The following EDRF1 variants were observed in gnomAD, a reference collection of about 807,000 sequenced individuals.
The protein encoded by EDRF1 is erythroid differentiation regulatory factor 1.
Under a neutral mutation model 148.7 loss-of-function variants are expected in EDRF1, and 69 were observed. The ratio of observed to expected loss-of-function variants is 0.46; its 90% CI spans 0.38 to 0.57. EDRF1 has a LOEUF of 0.57. EDRF1 is among the 20% of genes least tolerant of loss of function. EDRF1 has a pLI of 0.00. For missense variants in EDRF1, 1,118 were observed against 1,478.7 expected, an observed-to-expected ratio of 0.76 and a Z score of 4.00; for synonymous variants, 515 against 532.8, an observed-to-expected ratio of 0.97 and a Z score of 0.46.
intron 6 of EDRF1, among the ~76,000 whole-genome samples, chr10:125,726,423 C>T (rs1212932192): frequency 6.6e-6 from 1 of 152,284 alleles, no homozygotes; most frequent in South Asian, 2.1e-4. Context: ...CATTTTATCT[C>T]TTACATCCTT....
Position 125,763,733 on chromosome 10 carries a change from C to CA in EDRF1, c.*262dup. 1.9e-6 allele frequency: 1 copy of CA among 515,730 alleles called. No individual in the cohort carries two copies. The highest frequency in any genetic ancestry group is 3.5e-5 in the East Asian group (1 of 28,438). The allele number at this position is 515,730 out of a possible 1,614,324, so 31.9% of individuals were successfully genotyped here. A position where few individuals can be genotyped will look rare whatever the true frequency, so the allele number is the denominator to read the frequency against. On this transcript the variant is annotated 3_prime_UTR_variant, in exon 25 of 25. Coordinates refer to ENST00000356792, the MANE Select transcript of EDRF1 (RefSeq NM_001202438.2). The surrounding 1 kb of genome is among the most constrained non-coding windows in gnomAD (Gnocchi z 4.3). ...GAAGTATGTAGTACCTCGGTATTAA[C>CA]AGACCTGCTGTGATGCAGTTACACT...
chr10:125,738,941 C>G (rs760909091), intron 15 of EDRF1, among the ~76,000 whole-genome samples: 3 of 152,158 alleles, frequency 2.0e-5, no homozygotes, highest in African/African-American at 7.2e-5. Context: ...GCTGTTGTTA[C>G]TGCACAGTAC....
chr10:125,745,249 G>C (rs1214691181), intron 18 of EDRF1: 2 of 192,222 alleles, frequency 1.0e-5, no homozygotes, highest in African/African-American at 4.7e-5. Context: ...TAGATCTGGA[G>C]ACTGGAAGTT....
In EDRF1 at chr10:125,730,278, A is replaced by G. The variant is rs1589827898; in HGVS notation, c.1017-10A>G. On this transcript the variant is annotated splice_polypyrimidine_tract_variant and intron_variant, in intron 8 of 24. Transcript: ENST00000356792. ...TTAAACCAAATAACACTAGAAATGT[A>G]TATTTTTAGGGATAACAACAAACCA... is the stretch of plus-strand genomic sequence containing the variant. 11 of 1,591,530 alleles carry G rather than the reference A, an allele frequency of 6.9e-6. No homozygotes were observed. Among genetic ancestry groups the G allele is most frequent in the African/African-American group, 1.3e-5 (1 of 74,444 alleles).
At chr10:125,744,725 G>A (rs964581525) in intron 18 of EDRF1, 2 of 152,218 alleles carry the variant, frequency 1.3e-5, no homozygotes, top group Non-Finnish European at 2.9e-5. Flanking sequence ...ACTTTGCTCA[G>A]ATGTTTTTCT....
intron 24 of EDRF1, among the ~76,000 whole-genome samples, chr10:125,760,548 T>C (rs1442154029): frequency 1.3e-5 from 2 of 150,978 alleles, no homozygotes; most frequent in African/African-American, 5.0e-5. Flanking sequence ...AATAAACACT[T>C]TGACAAGTTT....
intron 23 of EDRF1, 131 bp from the exon 24 acceptor site, chr10:125,753,563 C>A: frequency 1.0e-6 from 1 of 995,794 alleles, no homozygotes; most frequent in Non-Finnish European, 1.6e-6. Context: ...CATAGGTGTG[C>A]TTTTTGTTTG....
intron 24 of EDRF1, among the ~76,000 whole-genome samples, chr10:125,762,066 A>G (rs1035414553): frequency 2.6e-5 from 4 of 152,166 alleles, no homozygotes; most frequent in African/African-American, 9.7e-5. Flanking sequence ...GATTTGCCTG[A>G]TAAAATAAGT....
Position 125,731,219 on chromosome 10 carries a change from T to G in EDRF1, c.1128+820T>G, listed in dbSNP as rs115448269. The stretch of plus-strand genomic sequence containing the variant: ...GAAAACAAAGAATAAGCTTGGTTGT[T>G]ATTCAGAAAGAGATAATCTAATGGG... On this transcript the variant is annotated intron_variant, in intron 9 of 24. Transcript: ENST00000356792. Among the ~76,000 whole-genome samples the G allele has an allele frequency of 3.2e-3, 493 of 152,304 alleles. 2 individuals are homozygous for G. The highest frequency in any genetic ancestry group is 0.012 in the African/African-American group (478 of 41,562).
chr10:125,734,016 A>G (rs1848607100), intron 11 of EDRF1, 56 bp from the exon 12 acceptor site: 1 of 1,354,502 alleles, frequency 7.4e-7, no homozygotes, highest in Non-Finnish European at 1.1e-6. Context: ...CCTAGACTTG[A>G]GTCTTGCAGA....
At chr10:125,756,488 C>A (rs1017296473) in intron 24 of EDRF1, among the ~76,000 whole-genome samples, 1 of 152,230 alleles carries the variant, frequency 6.6e-6, no homozygotes, top group Non-Finnish European at 1.5e-5. Context: ...TGTATTCTCA[C>A]TGAATTTCTG....
chr10:125,745,959 C>T (rs753449203), intron 19 of EDRF1, 29 bp downstream of exon 19: 2 of 1,589,468 alleles, frequency 1.3e-6, no homozygotes, highest in African/African-American at 2.7e-5. Flanking sequence ...TGTTGGGCCT[C>T]ACCCATTCAC....
intron 17 of EDRF1, chr10:125,742,830 TAGGC>T: frequency 1.1e-6 from 1 of 939,820 alleles, no homozygotes. Flanking sequence ...TTGATATTCA[TAGGC>T]AGGAAAATAT....
At position 125,763,085 on chromosome 10, in the gene EDRF1, G is replaced by A. The variant is rs1434919976; in HGVS notation, c.3546-216G>A. Among the ~76,000 whole-genome samples the A allele has an allele frequency of 6.6e-6, 1 of 152,168 alleles. No individual in the cohort carries two copies. Among genetic ancestry groups the A allele is most frequent in the African/African-American group, 2.4e-5 (1 of 41,420 alleles). On this transcript the variant is annotated intron_variant, in intron 24 of 24. Transcript: ENST00000356792. The surrounding 1 kb of genome is among the most constrained non-coding windows in gnomAD (Gnocchi z 4.3). ...GCATTCAAATATTTATAAAAGGAAT[G>A]AGTACTGGATTTCATTGATGTATTG...
chr10:125,762,748 C>G (rs1850247733), intron 24 of EDRF1, among the ~76,000 whole-genome samples: 1 of 152,072 alleles, frequency 6.6e-6, no homozygotes, highest in Admixed American at 6.6e-5. Flanking sequence ...TGTTTAAATC[C>G]TAGGTAGTTC....
chr10:125,739,524 G>A (rs148859103), intron 15 of EDRF1, among the ~76,000 whole-genome samples: 158 of 152,154 alleles, frequency 1.0e-3, no homozygotes, highest in African/African-American at 3.5e-3. Flanking sequence ...GCACACACAC[G>A]GTTGTGAACA....
intron 19 of EDRF1, chr10:125,747,236 AAAAC>A (rs1345899423): frequency 2.3e-5 from 7 of 306,226 alleles, no homozygotes; most frequent in South Asian, 5.0e-5. Flanking sequence ...AAGAAAAAAA[AAAAC>A]AAAGGAAACA....
chr10:125,743,349 C>A, intron 18 of EDRF1, 73 bp downstream of exon 18: 1 of 1,275,640 alleles, frequency 7.8e-7, no homozygotes, highest in Non-Finnish European at 1.1e-6. Flanking sequence ...ATGAGTCAAG[C>A]AAAGAACTGT....
chr10:125,733,702 C>A lies in EDRF1; in HGVS notation c.1344C>A (p.Tyr448Ter). ...TTTGTGAAGAAACTGAAGACAAATA[C>A]CAAAATCCATTCACAATGCCGGTAG... ...TTLCEETEDK[Y>*]QNPFTMPVAI... is the part of the protein sequence containing the mutation. The change falls in exon 11 of 25, where the codon TAC becomes TAA. Residue 448 changes from tyrosine (Y) to a stop codon, truncating the protein, a stop_gained. Transcript: ENST00000356792. LOFTEE classifies it high-confidence loss of function. The A allele has an allele frequency of 1.2e-6, 2 of 1,613,486 alleles. No homozygotes were observed. Among genetic ancestry groups the A allele is most frequent in the South Asian group, 2.2e-5 (2 of 91,068 alleles).
Sources: allele counts gnomAD v4.1 joint callset (sites outside exome capture counted in the v4.1 genomes callset), GRCh38; gene constraint gnomAD v4.1.1; non-coding constraint Gnocchi (gnomAD v3.1); transcripts MANE v1.5; gene names NCBI Gene and HGNC (gene_info 2026-07-23, HGNC 2026-07-21).